CABIN1: variants seen among roughly 807,000 people sequenced by gnomAD.
The protein encoded by CABIN1 is calcineurin-binding protein cabin-1.
A neutral mutation model predicts 227.7 loss-of-function variants in CABIN1; 133 were observed. The observed-to-expected ratio is 0.58, with a 90% CI of 0.51 to 0.67. The LOEUF (loss-of-function observed/expected upper bound fraction) is 0.67, where lower values mean the gene tolerates loss of function less well. CABIN1 is among the 30% of genes least tolerant of loss of function. CABIN1 has a pLI of 0.00. For missense variants in CABIN1, 2,408 were observed against 2,852.5 expected, an observed-to-expected ratio of 0.84 and a Z score of 3.55; for synonymous variants, 1,086 against 1,155.1, an observed-to-expected ratio of 0.94 and a Z score of 1.21.
chr22:24,115,886 AC>A (rs767776700), intron 27 of CABIN1, among the ~76,000 whole-genome samples: 14 of 151,982 alleles, frequency 9.2e-5, no homozygotes, highest in Non-Finnish European at 1.6e-4. Flanking sequence ...GCCCTCACTC[AC>A]GCGTATTTGT....
chr22:24,110,246 G>A (rs1044734158), intron 26 of CABIN1, among the ~76,000 whole-genome samples: 2 of 152,168 alleles, frequency 1.3e-5, no homozygotes, highest in Admixed American at 6.5e-5. Context: ...AAATGTAGTT[G>A]TTGCCTTAGG....
intron 1 of CABIN1, among the ~76,000 whole-genome samples, chr22:24,029,240 G>A (rs533244968): frequency 6.6e-6 from 1 of 152,292 alleles, no homozygotes; most frequent in African/African-American, 2.4e-5. Flanking sequence ...TGTAATGCCA[G>A]TTACTCAGGA....
chr22:24,056,182 C>T lies in CABIN1; in HGVS notation c.1094-10C>T, dbSNP rs565572345. 6.2e-7 allele frequency: 1 copy of T among 1,613,096 alleles called. No homozygotes were observed. Among genetic ancestry groups the T allele is most frequent in the Non-Finnish European group, 8.5e-7 (1 of 1,179,410 alleles). On this transcript the variant is annotated splice_polypyrimidine_tract_variant and intron_variant, in intron 9 of 36. Coordinates refer to ENST00000263119, the MANE Select transcript of CABIN1 (RefSeq NM_012295.4). Reference sequence around the variant, plus strand: ...ACCGTGTAAGATTTTAATTTGCATTCTTTGTGAAGGTGATATTTCTGGGGG... The same window carrying T: ...ACCGTGTAAGATTTTAATTTGCATTTTTTGTGAAGGTGATATTTCTGGGGG...
intron 27 of CABIN1, among the ~76,000 whole-genome samples, chr22:24,117,820 T>C (rs1299960867): frequency 6.6e-6 from 1 of 152,268 alleles, no homozygotes; most frequent in Non-Finnish European, 1.5e-5. Flanking sequence ...CTGATTCCTC[T>C]GTCTCCCCCG....
intron 25 of CABIN1, 118 bp from the exon 26 acceptor site, chr22:24,097,896 C>A: frequency 7.6e-7 from 1 of 1,316,196 alleles, no homozygotes; most frequent in Non-Finnish European, 1.1e-6. Context: ...GGGGTGGGGG[C>A]CACCAGAGGT....
rs549353556 is a variant in CABIN1, at chr22:24,163,552, C to T, written c.4747-848C>T. 7.9e-5 allele frequency among the ~76,000 whole-genome samples: 12 copies of T among 152,290 alleles called. No individual in the cohort carries two copies. The South Asian group carries it at 1.0e-3, about 13-fold the overall frequency. On this transcript the variant is annotated intron_variant, in intron 29 of 36. Transcript: ENST00000263119. ...CCATTCTGGGCAGCAGTTTCTTCAG[C>T]GTGTTGGCTGCAGGGACCCATCTAG...
chr22:24,113,236 C>T (rs573926064), intron 26 of CABIN1, among the ~76,000 whole-genome samples: 8 of 152,322 alleles, frequency 5.3e-5, no homozygotes, highest in African/African-American at 1.7e-4. Context: ...TGAAAATTGC[C>T]ATGGTGGGAA....
chr22:24,172,357 A>G (rs2046867744), intron 34 of CABIN1, among the ~76,000 whole-genome samples: 1 of 152,204 alleles, frequency 6.6e-6, no homozygotes, highest in Non-Finnish European at 1.5e-5. Context: ...AAAGGATACT[A>G]GCCCACACCA....
At chr22:24,101,575 A>G (rs1440194454) in intron 26 of CABIN1, 1 of 150,862 alleles carries the variant, frequency 6.6e-6, no homozygotes, top group Non-Finnish European at 1.5e-5. Context: ...AGAGAGCAAG[A>G]GAGAGAACAA....
At chr22:24,147,371 G>GCCTC (rs1431272447) in intron 29 of CABIN1, among the ~76,000 whole-genome samples, 3 of 127,096 alleles carry the variant, frequency 2.4e-5, no homozygotes, top group Admixed American at 8.2e-5. Context: ...CTGCTTCCCT[G>GCCTC]CCTCCCTCCC....
chr22:24,106,704 T>C (rs2042539017), intron 26 of CABIN1, among the ~76,000 whole-genome samples: 1 of 152,192 alleles, frequency 6.6e-6, no homozygotes, highest in Non-Finnish European at 1.5e-5. Context: ...CTGTGGCCTC[T>C]CTGAGGTCTT....
rs1186896449 is a variant in CABIN1, at chr22:24,083,219, C to T, written c.2749-9C>T. On this transcript the variant is annotated splice_polypyrimidine_tract_variant and intron_variant, in intron 19 of 36. Transcript: ENST00000263119. The stretch of plus-strand genomic sequence containing the variant: ...CCTCACCTCAGGCCATCTCTTCTGC[C>T]CACCACAGGTGCGAGTACTCCAGAA... 7 of 1,611,932 alleles carry T rather than the reference C, an allele frequency of 4.3e-6. No individual in the cohort carries two copies. Among genetic ancestry groups the T allele is most frequent in the Non-Finnish European group, 5.9e-6 (7 of 1,179,944 alleles).
Position 24,167,222 on chromosome 22 carries a change from A to G in CABIN1, c.5591A>G (p.Tyr1864Cys). The change falls in exon 32 of 37, where the codon TAC (tyrosine) becomes TGC (cysteine). Residue 1864 changes from tyrosine (Y) to cysteine (C), a missense_variant. By Grantham distance (194) the Tyr-to-Cys change is radical. Transcript: ENST00000263119. ...ESGKTLLLDAYRVWQQGQKGV... is the reference protein window; with the variant it reads ...ESGKTLLLDACRVWQQGQKGV... ...GGCAAGACACTTCTGTTGGATGCCT[A>G]CCGTGTGTGGCAGCAGGGCCAGAAG... 6.2e-7 allele frequency: 1 copy of G among 1,613,212 alleles called. No homozygotes were observed. The highest frequency in any genetic ancestry group is 8.5e-7 in the Non-Finnish European group (1 of 1,179,976).
chr22:24,059,980 G>A lies in CABIN1; in HGVS notation c.1456G>A (p.Glu486Lys). The A allele has an allele frequency of 1.9e-6, 3 of 1,614,198 alleles. No individual in the cohort carries two copies. The highest frequency in any genetic ancestry group is 2.5e-6 in the Non-Finnish European group (3 of 1,180,044). The change falls in exon 12 of 37, where the codon GAG (glutamate) becomes AAG (lysine). Residue 486 changes from glutamate to lysine, a missense_variant. By Grantham distance (56) the Glu-to-Lys change is moderately conservative (BLOSUM62 1). Transcript: ENST00000263119. ...LENLTNGGIL[E>K]LMMRYLKAMG... is the part of the protein sequence containing the mutation. Reference sequence around the variant, plus strand: ...GAACCTAACCAACGGGGGCATCCTGGAGCTGATGATGCGCTACCTGAAAGC... The same window carrying A: ...GAACCTAACCAACGGGGGCATCCTGAAGCTGATGATGCGCTACCTGAAAGC...
At position 24,129,839 on chromosome 22, in the gene CABIN1, G is replaced by A. The variant is rs549630352; in HGVS notation, c.4633-4463G>A. ...TGGGAACAAGTGTGGCTGGAGGGCT[G>A]TTCACAAAGAGGGGTTGGAGGGTAT... On this transcript the variant is annotated intron_variant, in intron 28 of 36. Transcript: ENST00000263119. Among the ~76,000 whole-genome samples the A allele has an allele frequency of 1.6e-3, 247 of 152,314 alleles. 1 individual carries two copies. Among genetic ancestry groups the A allele is most frequent in the Non-Finnish European group, 2.5e-3 (173 of 68,012 alleles).
At chr22:24,016,037 T>C (rs1358479717) in intron 1 of CABIN1, among the ~76,000 whole-genome samples, 1 of 152,200 alleles carries the variant, frequency 6.6e-6, no homozygotes, top group African/African-American at 2.4e-5. Flanking sequence ...AAGTATACAA[T>C]TGAGTGGTTT....
At position 24,170,236 on chromosome 22, in the gene CABIN1, G is replaced by A. The variant is rs2046715035; in HGVS notation, c.5758-1477G>A. The A allele has an allele frequency of 1.4e-5, 6 of 438,480 alleles. No individual in the cohort carries two copies. The Admixed American group carries it at 1.5e-4, about 11-fold the overall frequency. The allele number at this position is 438,480 out of a possible 1,614,324, so 27.2% of individuals were successfully genotyped here. On this transcript the variant is annotated intron_variant, in intron 33 of 36. Transcript: ENST00000263119. Reference sequence around the variant, plus strand: ...GAAGATGCCACTGTAGGGGCTAGCTGCCATCCTCTGGTTCTCTCCTCCCTT... The same window carrying A: ...GAAGATGCCACTGTAGGGGCTAGCTACCATCCTCTGGTTCTCTCCTCCCTT...
intron 16 of CABIN1, among the ~76,000 whole-genome samples, chr22:24,067,630 G>A (rs1321079551): frequency 1.3e-5 from 2 of 152,292 alleles, no homozygotes; most frequent in Admixed American, 6.5e-5. Context: ...TTGAAACCTC[G>A]TGTGCCCTCC....
intron 30 of CABIN1, among the ~76,000 whole-genome samples, 160 bp from the exon 31 acceptor site, chr22:24,165,370 G>A (rs2046386084): frequency 6.6e-6 from 1 of 152,220 alleles, no homozygotes; most frequent in Non-Finnish European, 1.5e-5. Context: ...GGAGCTCAGG[G>A]GAAGCTTCTA....
Sources: allele counts gnomAD v4.1 joint callset (sites outside exome capture counted in the v4.1 genomes callset), GRCh38; gene constraint gnomAD v4.1.1; transcripts MANE v1.5; gene names NCBI Gene and HGNC (gene_info 2026-07-23, HGNC 2026-07-21).